The following MANF variants were observed in gnomAD, a reference collection of about 807,000 sequenced individuals.
MANF encodes mesencephalic astrocyte derived neurotrophic factor, also known as mesencephalic astrocyte-derived neurotrophic factor.
In MANF, 9 loss-of-function variants were observed where a neutral mutation model predicts 19.1. The ratio of observed to expected loss-of-function variants is 0.47; its 90% CI spans 0.28 to 0.82. The LOEUF (loss-of-function observed/expected upper bound fraction) is 0.82, where lower values mean the gene tolerates loss of function less well. Ranked by LOEUF, MANF falls within the 40% of genes least tolerant of loss-of-function variation. The probability of loss-of-function intolerance (pLI) is 0.10; values close to 1 mark genes in which losing one functional copy is unlikely to be tolerated. For synonymous variants in MANF, 89 were observed against 88.0 expected (o/e 1.01, Z -0.06); for missense variants, 225 against 226.7 (o/e 0.99, Z 0.05).
At chr3:51,386,464 T>C in intron 2 of MANF, 129 bp downstream of exon 2, 1 of 983,632 alleles carries the variant, frequency 1.0e-6, no homozygotes. Context: ...TAAACTAATG[T>C]GAGAAGACTG....
chr3:51,386,375 TG>T, intron 2 of MANF, 40 bp downstream of exon 2: 6 of 1,609,992 alleles, frequency 3.7e-6, no homozygotes, highest in African/African-American at 1.3e-5. Flanking sequence ...CCCTGGCTCA[TG>T]TTAACCCTCG....
Position 51,389,080 on chromosome 3 carries a change from C to CCTTGAGA in MANF, c.540_541insCTTGAGA (p.Asp181LeufsTer30). Reference sequence around the variant, plus strand: ...CCCCCAAGGCAGCCAGTGCACGGACCGATTTGTAGTCTGCTCAATCTCTGT... The same window carrying CCTTGAGA: ...CCCCCAAGGCAGCCAGTGCACGGACCCTTGAGAGATTTGTAGTCTGCTCAATCTCTGT... On this transcript the variant is annotated frameshift_variant, in exon 4 of 4. Coordinates refer to ENST00000528157, the MANE Select transcript of MANF (RefSeq NM_006010.6). LOFTEE classifies it high-confidence loss of function. 1.9e-6 allele frequency: 3 copies of CCTTGAGA among 1,611,194 alleles called. No individual in the cohort carries two copies. The highest frequency in any genetic ancestry group is 2.5e-6 in the Non-Finnish European group (3 of 1,178,840).
In MANF at chr3:51,385,313, A is replaced by T; in HGVS notation, c.-30A>T. The stretch of plus-strand genomic sequence containing the variant: ...TTCAGTCGGTCGGCGGCGGCAGCGG[A>T]GGAGGAGGAGGAGGAGGAGGATGAG... On this transcript the variant is annotated 5_prime_UTR_variant, in exon 1 of 4. Transcript: ENST00000528157. 1 of 868,186 alleles carries T rather than the reference A, an allele frequency of 1.2e-6. No homozygotes were observed. Among genetic ancestry groups the T allele is most frequent in the Non-Finnish European group, 1.5e-6 (1 of 688,570 alleles). 53.8% of individuals were successfully genotyped at this position (868,186 alleles called of 1,614,324 possible).
In MANF at chr3:51,385,410, G is replaced by C. The variant is rs2088935172; in HGVS notation, c.68G>C (p.Arg23Pro). Residue 23 changes from arginine (R) to proline (P), a missense_variant, in exon 1 of 4, where the codon CGG (arginine) becomes CCG (proline). By Grantham distance (103) the Arg-to-Pro change is moderately radical. Transcript: ENST00000528157. ...GCTCTGAGCGTGCTGCCGGGCAGCCGGGCGCTGCGGCCGGGCGACTGCGAA... is the reference window on the plus strand; with the variant it reads ...GCTCTGAGCGTGCTGCCGGGCAGCCCGGCGCTGCGGCCGGGCGACTGCGAA... ...ALALSVLPGS[R>P]ALRPGDCEVC... 3.2e-6 allele frequency: 4 copies of C among 1,237,770 alleles called. No individual in the cohort carries two copies. Among genetic ancestry groups the C allele is most frequent in the Non-Finnish European group, 4.0e-6 (4 of 989,482 alleles). 76.7% of individuals were successfully genotyped at this position (1,237,770 alleles called of 1,614,324 possible). A position where few individuals can be genotyped will look rare whatever the true frequency, so the allele number is the denominator to read the frequency against.
At position 51,385,335 on chromosome 3, in the gene MANF, T is replaced by A. The variant is rs13091931; in HGVS notation, c.-8T>A. On this transcript the variant is annotated 5_prime_UTR_variant, in exon 1 of 4. It removes an upstream start codon present in the reference 5' UTR. Coordinates refer to ENST00000528157, the MANE Select transcript of MANF (RefSeq NM_006010.6). ...CGGAGGAGGAGGAGGAGGAGGAGGA[T>A]GAGGAGGATGAGGAGGATGTGGGCC... 12 of 1,160,408 alleles carry A rather than the reference T, an allele frequency of 1.0e-5. No individual in the cohort carries two copies. The African/African-American group carries it at 1.7e-4, about 16-fold the overall frequency. 71.9% of individuals were successfully genotyped at this position (1,160,408 alleles called of 1,614,324 possible).
Position 51,385,341 on chromosome 3 carries a change from G to GGAT in MANF, c.2_4dup, listed in dbSNP as rs1158854936. On this transcript the variant is annotated 5_prime_UTR_variant, in exon 1 of 4. In the 5' UTR this introduces an upstream ATG that the reference lacks. Coordinates refer to ENST00000528157, the MANE Select transcript of MANF (RefSeq NM_006010.6). ...AGGAGGAGGAGGAGGAGGATGAGGA[G>GGAT]GATGAGGAGGATGTGGGCCACGCAG... 3.2e-5 allele frequency: 40 copies of GGAT among 1,234,424 alleles called. No homozygotes were observed. The highest frequency in any genetic ancestry group is 2.8e-4 in the South Asian group (7 of 25,062). The allele number at this position is 1,234,424 out of a possible 1,614,324, so 76.5% of individuals were successfully genotyped here. A position where few individuals can be genotyped will look rare whatever the true frequency, so the allele number is the denominator to read the frequency against.
chr3:51,387,694 C>T lies in MANF; in HGVS notation c.223-43C>T, dbSNP rs370723491. 35 of 1,587,270 alleles carry T rather than the reference C, an allele frequency of 2.2e-5. No individual in the cohort carries two copies. In the African/African-American group the frequency reaches 3.9e-4, roughly 18 times the overall value. ...GTGTCAGTATGTTTGGAGGAGATGG[C>T]TCTCAAGCACCTCCTGAAGGCCATT... On this transcript the variant is annotated intron_variant, in intron 2 of 3. Transcript: ENST00000528157.
At chr3:51,388,820 C>G in intron 3 of MANF, 85 bp from the exon 4 acceptor site, 1 of 1,057,390 alleles carries the variant, frequency 9.5e-7, no homozygotes, top group Non-Finnish European at 1.3e-6. Flanking sequence ...CTGGTTTGGC[C>G]GTTCAGGGAG....
Position 51,388,928 on chromosome 3 carries a change from G to A in MANF, c.388G>A (p.Val130Met). 1 of 1,583,528 alleles carries A rather than the reference G, an allele frequency of 6.3e-7. No homozygotes were observed. Among genetic ancestry groups the A allele is most frequent in the South Asian group, 1.2e-5 (1 of 86,344 alleles). ...KYDKQIDLST[V>M]DLKKLRVKEL... ...AGACAAGCAGATCGACCTGAGCACA[G>A]TGGACCTGAAGAAGCTCCGAGTTAA... Residue 130 changes from valine to methionine, a missense_variant, in exon 4 of 4, where the codon GTG (valine) becomes ATG (methionine). Coordinates refer to ENST00000528157, the MANE Select transcript of MANF (RefSeq NM_006010.6).
At chr3:51,386,819 G>A (rs2088966522) in intron 2 of MANF, 2 of 455,800 alleles carry the variant, frequency 4.4e-6, no homozygotes, top group South Asian at 3.1e-5. Flanking sequence ...GGATAGGCAA[G>A]GGCCGAATCC....
chr3:51,386,392 A>G, intron 2 of MANF, 57 bp downstream of exon 2: 1 of 1,598,966 alleles, frequency 6.3e-7, no homozygotes, highest in Non-Finnish European at 8.5e-7. Flanking sequence ...CCTCGGCTTC[A>G]CCAGCCGTTT....
chr3:51,388,675 G>A (rs782104796), intron 3 of MANF, among the ~76,000 whole-genome samples: 34 of 152,174 alleles, frequency 2.2e-4, no homozygotes, highest in Non-Finnish European at 2.9e-4. Flanking sequence ...CCTTGTTCAC[G>A]CTGCATATCT....
intron 2 of MANF, chr3:51,387,152 G>A: frequency 3.1e-6 from 1 of 326,672 alleles, no homozygotes; most frequent in Admixed American, 4.1e-5. Flanking sequence ...GTGAAATCCT[G>A]TCTGCACAAA....
Position 51,386,221 on chromosome 3 carries a change from T to C in MANF, c.108T>C (p.Tyr36=). 1 of 1,613,622 alleles carries C rather than the reference T, an allele frequency of 6.2e-7. No homozygotes were observed. Among genetic ancestry groups the C allele is most frequent in the Non-Finnish European group, 8.5e-7 (1 of 1,179,672 alleles). The change falls in exon 2 of 4, where the codon TAT becomes TAC. Residue 36 remains tyrosine (Y), a synonymous_variant. Coordinates refer to ENST00000528157, the MANE Select transcript of MANF (RefSeq NM_006010.6). The part of the protein sequence containing the change: ...RPGDCEVCIS[Y]LGRFYQDLKD... ...TCTCTTTTCCAGTTTGTATTTCTTA[T>C]CTGGGAAGATTTTACCAGGACCTCA...
intron 3 of MANF, among the ~76,000 whole-genome samples, chr3:51,388,176 G>A (rs2088981602): frequency 6.6e-6 from 1 of 152,198 alleles, no homozygotes; most frequent in African/African-American, 2.4e-5. Flanking sequence ...AGCATTGCAG[G>A]CTGGTGAGGG....
chr3:51,388,840 C>A, intron 3 of MANF, 65 bp from the exon 4 acceptor site: 1 of 1,264,808 alleles, frequency 7.9e-7, no homozygotes, highest in Admixed American at 2.6e-5. Context: ...GTGACATACT[C>A]TGGGACTACT....
chr3:51,385,503 A>G, intron 1 of MANF, 67 bp downstream of exon 1: 1 of 460,454 alleles, frequency 2.2e-6, no homozygotes, highest in Non-Finnish European at 2.8e-6. Flanking sequence ...ACCCCACAAC[A>G]TCACCAGACG....
In MANF at chr3:51,389,120, A is replaced by T. The variant is rs782253113; in HGVS notation, c.*31A>T. The stretch of plus-strand genomic sequence containing the variant: ...TCAATCTCTGTTGCACCTGAGGGGG[A>T]AAAAACAGTTCAACTGCTTACTCCC... On this transcript the variant is annotated 3_prime_UTR_variant, in exon 4 of 4. Coordinates refer to ENST00000528157, the MANE Select transcript of MANF (RefSeq NM_006010.6). 4 of 1,587,226 alleles carry T rather than the reference A, an allele frequency of 2.5e-6. No individual in the cohort carries two copies. The highest frequency in any genetic ancestry group is 1.8e-5 in the Admixed American group (1 of 55,082).
At chr3:51,388,870 AC>A in intron 3 of MANF, 34 bp from the exon 4 acceptor site, 3 of 1,496,878 alleles carry the variant, frequency 2.0e-6, no homozygotes, top group Non-Finnish European at 2.7e-6. Flanking sequence ...CAGGTGCTCC[AC>A]CCAGTCAGTG....
Sources: gnomAD v4.1 joint callset for allele counts (sites outside exome capture counted in the v4.1 genomes callset) on GRCh38, gnomAD v4.1.1 for gene constraint, MANE v1.5 for transcripts, NCBI Gene and HGNC (gene_info 2026-07-23, HGNC 2026-07-21) for gene names.